TENM3: variants seen among roughly 807,000 people sequenced by gnomAD.
TENM3 encodes teneurin transmembrane protein 3.
In TENM3, 63 loss-of-function variants were observed where a neutral mutation model predicts 255.1. The observed-to-expected ratio is 0.25, with a 90% CI of 0.20 to 0.30. The LOEUF is 0.30. TENM3 is among the 10% of genes least tolerant of loss of function. The pLI is 1.00. For missense variants in TENM3, 2,929 were observed against 3,461.1 expected (o/e 0.85, Z 3.86); for synonymous variants, 1,306 against 1,322.3 (o/e 0.99, Z 0.27).
the TENM3 span, among the ~76,000 whole-genome samples, chr4:181,760,087 T>C: frequency 6.6e-6 from 1 of 152,084 alleles, no homozygotes; most frequent in Non-Finnish European, 1.5e-5. Context: ...CTCATGAATT[T>C]GATGAAACAA....
chr4:182,791,581 G>A (rs1463910795), intron 25 of TENM3, among the ~76,000 whole-genome samples: 1 of 152,142 alleles, frequency 6.6e-6, no homozygotes, highest in African/African-American at 2.4e-5. Flanking sequence ...ATCGGATTTG[G>A]TATCCACAGA....
chr4:182,090,793 T>C, the TENM3 span, among the ~76,000 whole-genome samples: 1 of 152,328 alleles, frequency 6.6e-6, no homozygotes, highest in African/African-American at 2.4e-5. Flanking sequence ...CCAAGGTGGA[T>C]TGTAGAATTG....
the TENM3 span, among the ~76,000 whole-genome samples, chr4:181,993,681 A>T: frequency 3.3e-5 from 5 of 152,168 alleles, no homozygotes; most frequent in Non-Finnish European, 5.9e-5. Context: ...ACCATGTCCT[A>T]TGCCTCAAAC....
chr4:181,572,789 G>T, the TENM3 span, among the ~76,000 whole-genome samples: 1 of 152,078 alleles, frequency 6.6e-6, no homozygotes, highest in South Asian at 2.1e-4. Context: ...ATAAATTATT[G>T]TTGACTGTAA....
At chr4:182,073,839 C>A in the TENM3 span, among the ~76,000 whole-genome samples, 1 of 152,102 alleles carries the variant, frequency 6.6e-6, no homozygotes, top group South Asian at 2.1e-4. Flanking sequence ...CATGAAAACC[C>A]AAATTCCCTA....
the TENM3 span, among the ~76,000 whole-genome samples, chr4:181,586,295 C>T: frequency 6.6e-6 from 1 of 152,182 alleles, no homozygotes; most frequent in Non-Finnish European, 1.5e-5. Context: ...GAAGGAACGT[C>T]TTCAGAGACC....
the TENM3 span, among the ~76,000 whole-genome samples, chr4:182,028,895 T>C: frequency 6.6e-6 from 1 of 152,220 alleles, no homozygotes; most frequent in Non-Finnish European, 1.5e-5. Flanking sequence ...ATCCATGTGC[T>C]GAGGATAAGA....
the TENM3 span, among the ~76,000 whole-genome samples, chr4:181,595,904 A>G: frequency 1.3e-5 from 2 of 152,186 alleles, no homozygotes; most frequent in Non-Finnish European, 2.9e-5. Context: ...ACAGAGAGCT[A>G]TTCCAGGCCA....
At chr4:182,783,123 G>A (rs1182602823) in intron 24 of TENM3, among the ~76,000 whole-genome samples, 10 of 151,710 alleles carry the variant, frequency 6.6e-5, no homozygotes, top group East Asian at 5.8e-4. Flanking sequence ...TATTTTGCTC[G>A]TTAGTTGATG....
chr4:181,680,793 A>G, the TENM3 span, among the ~76,000 whole-genome samples: 4 of 152,102 alleles, frequency 2.6e-5, no homozygotes, highest in Admixed American at 2.0e-4. Context: ...AGTTTCACAG[A>G]TGCATCGTTA....
the TENM3 span, among the ~76,000 whole-genome samples, chr4:181,514,684 G>C: frequency 6.6e-6 from 1 of 152,154 alleles, no homozygotes; most frequent in Non-Finnish European, 1.5e-5. Context: ...CCTCAGTTCT[G>C]TAACTATAGC....
the TENM3 span, among the ~76,000 whole-genome samples, chr4:182,067,636 C>G: frequency 6.6e-6 from 1 of 152,142 alleles, no homozygotes; most frequent in African/African-American, 2.4e-5. Context: ...TCTAAGTTAC[C>G]TGAAGAAACC....
chr4:182,262,665 C>A (rs973999921), intron 1 of TENM3, among the ~76,000 whole-genome samples: 2 of 152,030 alleles, frequency 1.3e-5, no homozygotes, highest in Non-Finnish European at 2.9e-5. Context: ...CAACCAGCAG[C>A]CCACGGGGCT....
At chr4:182,168,991 G>C (rs1024071440) in intron 1 of TENM3, among the ~76,000 whole-genome samples, 1 of 151,570 alleles carries the variant, frequency 6.6e-6, no homozygotes, top group East Asian at 1.9e-4. Flanking sequence ...TCATTCACAT[G>C]GTCCAAAGTG....
At chr4:182,390,187 C>A (rs1167751878) in intron 3 of TENM3, among the ~76,000 whole-genome samples, 1 of 152,102 alleles carries the variant, frequency 6.6e-6, no homozygotes, top group Non-Finnish European at 1.5e-5. Flanking sequence ...TCAGAGAGTT[C>A]TTCTTTTTGA....
the TENM3 span, among the ~76,000 whole-genome samples, chr4:182,066,599 A>AAAAAAATATAT: frequency 7.3e-6 from 1 of 137,106 alleles, no homozygotes; most frequent in African/African-American, 2.9e-5. Flanking sequence ...GTAAAAAAAA[A>AAAAAAATATAT]ATATATATAT....
chr4:182,758,344 G>T (rs745700180), intron 22 of TENM3, among the ~76,000 whole-genome samples: 4 of 152,126 alleles, frequency 2.6e-5, no homozygotes, highest in Non-Finnish European at 5.9e-5. Flanking sequence ...AGAAAAGGGT[G>T]GGGGGAGGTG....
chr4:182,332,148 A>T (rs1046499991), intron 2 of TENM3, among the ~76,000 whole-genome samples: 4 of 152,176 alleles, frequency 2.6e-5, no homozygotes, highest in Non-Finnish European at 4.4e-5. Context: ...ACATTTTATC[A>T]TAAAATGTAG....
chr4:182,240,467 C>T (rs7668736), upstream of TENM3, among the ~76,000 whole-genome samples: 75,799 of 152,056 alleles, frequency 0.5, 21,309 homozygotes, highest in African/African-American at 0.76. Context: ...CCCTGTTAGG[C>T]TCCTCAGATG....
Sources: gnomAD v4.1 joint callset for allele counts (sites outside exome capture counted in the v4.1 genomes callset) on GRCh38, gnomAD v4.1.1 for gene constraint, MANE v1.5 for transcripts, NCBI Gene and HGNC (gene_info 2026-07-23, HGNC 2026-07-21) for gene names.